Variants in SLC41A2 observed in about 807,000 individuals in gnomAD.
SLC41A2 encodes solute carrier family 41 member 2, also known as SLC41A1-like 1.
In SLC41A2, 32 loss-of-function variants were observed where a neutral mutation model predicts 58.3. The ratio of observed to expected loss-of-function variants is 0.55; its 90% CI spans 0.41 to 0.74. The LOEUF (loss-of-function observed/expected upper bound fraction) is 0.74. Among genes scored for constraint, SLC41A2 ranks in the 30% least tolerant of loss-of-function variants. The pLI is 0.00. For synonymous variants in SLC41A2, 190 were observed against 235.0 expected, an observed-to-expected ratio of 0.81 and a Z score of 1.75; for missense variants, 514 against 680.6, an observed-to-expected ratio of 0.76 and a Z score of 2.72.
chr12:104,810,636 CT>C (rs2041132067), intron 10 of SLC41A2, among the ~76,000 whole-genome samples: 1 of 152,134 alleles, frequency 6.6e-6, no homozygotes, highest in Non-Finnish European at 1.5e-5. Context: ...CCATTGTTTA[CT>C]TATTGCCTAT....
At chr12:104,884,407 C>G (rs1412006655) in intron 6 of SLC41A2, among the ~76,000 whole-genome samples, 2 of 152,198 alleles carry the variant, frequency 1.3e-5, no homozygotes, top group Non-Finnish European at 2.9e-5. Context: ...ATGCAGAAAT[C>G]ACCCATCTTC....
At chr12:104,882,640 A>G (rs898942097) in intron 6 of SLC41A2, among the ~76,000 whole-genome samples, 6 of 152,164 alleles carry the variant, frequency 3.9e-5, no homozygotes, top group Non-Finnish European at 7.3e-5. Flanking sequence ...AATGTTGAAT[A>G]TTGGCCCCCA....
chr12:104,951,047 T>C (rs74405497), intron 1 of SLC41A2, among the ~76,000 whole-genome samples: 2,359 of 152,308 alleles, frequency 0.015, 63 homozygotes, highest in African/African-American at 0.054. Context: ...TTTTTACTTT[T>C]TAATTTAAAA....
chr12:104,879,113 T>C (rs1485341132), intron 6 of SLC41A2, among the ~76,000 whole-genome samples: 1 of 152,268 alleles, frequency 6.6e-6, no homozygotes, highest in African/African-American at 2.4e-5. Context: ...ATGTTTTCTT[T>C]TGAAAAGTGT....
chr12:104,872,448 C>A (rs1219201877), intron 6 of SLC41A2, among the ~76,000 whole-genome samples: 5 of 152,140 alleles, frequency 3.3e-5, no homozygotes, highest in Admixed American at 3.3e-4. Flanking sequence ...AGGTAGCACA[C>A]TTTAGCTGGG....
At chr12:104,822,295 G>A (rs1208455520) in intron 10 of SLC41A2, among the ~76,000 whole-genome samples, 1 of 152,144 alleles carries the variant, frequency 6.6e-6, no homozygotes, top group Non-Finnish European at 1.5e-5. Flanking sequence ...TACAACTTAT[G>A]TGCTCCCTTT....
intron 8 of SLC41A2, among the ~76,000 whole-genome samples, chr12:104,857,668 T>C (rs1593008153): frequency 6.6e-6 from 1 of 151,998 alleles, no homozygotes; most frequent in African/African-American, 2.4e-5. Context: ...TGGAATACTA[T>C]GCAGCCATAA....
intron 1 of SLC41A2, among the ~76,000 whole-genome samples, chr12:104,955,851 A>G (rs1302561864): frequency 6.6e-6 from 1 of 152,126 alleles, no homozygotes; most frequent in African/African-American, 2.4e-5. Flanking sequence ...ATTTAGCTGT[A>G]AGTGGCTCTT....
chr12:104,925,154 G>A (rs1451920340), intron 2 of SLC41A2, among the ~76,000 whole-genome samples: 2 of 152,138 alleles, frequency 1.3e-5, no homozygotes, highest in Non-Finnish European at 2.9e-5. Flanking sequence ...TAGTTACATG[G>A]TTGTTTATAT....
At chr12:104,828,605 G>C (rs1479927589) in intron 10 of SLC41A2, among the ~76,000 whole-genome samples, 3 of 152,106 alleles carry the variant, frequency 2.0e-5, no homozygotes, top group South Asian at 2.1e-4. Context: ...CTAGAGGTTT[G>C]AGCAGTGGTG....
intron 6 of SLC41A2, among the ~76,000 whole-genome samples, chr12:104,873,120 A>T (rs1442008410): frequency 6.6e-6 from 1 of 152,062 alleles, no homozygotes; most frequent in African/African-American, 2.4e-5. Context: ...GATTTTTTTC[A>T]TCCTACATAA....
At chr12:104,876,518 T>TAA (rs2044052936) in intron 6 of SLC41A2, among the ~76,000 whole-genome samples, 5 of 152,188 alleles carry the variant, frequency 3.3e-5, no homozygotes, top group Admixed American at 6.5e-5. Context: ...TTTGACCTCT[T>TAA]GGTTGTTCAG....
At chr12:104,854,315 G>C (rs983524869) in intron 8 of SLC41A2, among the ~76,000 whole-genome samples, 2 of 152,018 alleles carry the variant, frequency 1.3e-5, no homozygotes, top group African/African-American at 4.8e-5. Context: ...TGTAATCCCA[G>C]CACTTTGGGA....
intron 6 of SLC41A2, among the ~76,000 whole-genome samples, chr12:104,882,061 A>G (rs1290285861): frequency 6.6e-6 from 1 of 151,830 alleles, no homozygotes; most frequent in African/African-American, 2.4e-5. Context: ...TCCCTTTACC[A>G]TTATGTAATG....
At chr12:104,893,524 G>A (rs2045121236) in intron 4 of SLC41A2, among the ~76,000 whole-genome samples, 1 of 152,098 alleles carries the variant, frequency 6.6e-6, no homozygotes. Context: ...CCAAATAAAG[G>A]AAATCAGTAT....
chr12:104,847,243 G>A (rs1025639058), intron 8 of SLC41A2, among the ~76,000 whole-genome samples: 4 of 151,798 alleles, frequency 2.6e-5, no homozygotes, highest in African/African-American at 7.3e-5. Flanking sequence ...AATATCAAGG[G>A]GGAAAAAAAT....
intron 3 of SLC41A2, among the ~76,000 whole-genome samples, chr12:104,902,546 A>T (rs1262666690): frequency 6.6e-6 from 1 of 152,208 alleles, no homozygotes; most frequent in Non-Finnish European, 1.5e-5. Context: ...CAGATCTGAG[A>T]ACAGCAATGT....
intron 6 of SLC41A2, among the ~76,000 whole-genome samples, chr12:104,873,245 T>G (rs971709693): frequency 2.0e-5 from 3 of 152,226 alleles, no homozygotes; most frequent in African/African-American, 7.2e-5. Context: ...TCTGACATAT[T>G]TTTAAAGATT....
At chr12:104,938,848 T>A (rs2047387523) in intron 1 of SLC41A2, among the ~76,000 whole-genome samples, 1 of 152,132 alleles carries the variant, frequency 6.6e-6, no homozygotes, top group Non-Finnish European at 1.5e-5. Flanking sequence ...TTTAGGAGAG[T>A]CTCTCTGATA....
Sources: allele counts gnomAD v4.1 joint callset (sites outside exome capture counted in the v4.1 genomes callset), GRCh38; gene constraint gnomAD v4.1.1; transcripts MANE v1.5; gene names NCBI Gene and HGNC (gene_info 2026-07-23, HGNC 2026-07-21).